Variants in MACROD2 observed in about 807,000 individuals in gnomAD.
MACROD2 encodes the protein mono-ADP ribosylhydrolase 2.
In MACROD2, 36 loss-of-function variants were observed where a neutral mutation model predicts 70.4. The observed-to-expected ratio is 0.51, with a 90% CI of 0.39 to 0.68. MACROD2 has a LOEUF of 0.68. Among genes scored for constraint, MACROD2 ranks in the 30% least tolerant of loss-of-function variants. The pLI, the probability that MACROD2 is intolerant of heterozygous loss-of-function variation, is 0.00. For synonymous variants in MACROD2, 172 were observed against 178.8 expected (o/e 0.96, Z 0.30); for missense variants, 496 against 538.4 (o/e 0.92, Z 0.78).
chr20:15,262,192 C>T (rs191773916), intron 6 of MACROD2, among the ~76,000 whole-genome samples: 35 of 151,952 alleles, frequency 2.3e-4, no homozygotes, highest in African/African-American at 8.4e-4. Flanking sequence ...CCACACTTCC[C>T]CCTTACACCT....
At chr20:14,299,279 T>C (rs1405885786) in intron 3 of MACROD2, among the ~76,000 whole-genome samples, 1 of 152,244 alleles carries the variant, frequency 6.6e-6, no homozygotes, top group Non-Finnish European at 1.5e-5. Flanking sequence ...CAGACATTTA[T>C]TGGCATTTTT....
rs1287573400 is a variant in MACROD2, at chr20:15,869,230, T to TAGAG, written c.727+6405_727+6406insGAGA. On this transcript the variant is annotated intron_variant, in intron 9 of 17. Coordinates refer to ENST00000684519, the MANE Select transcript of MACROD2 (RefSeq NM_001351661.2). ...ATTAACATATATATATATATATATA[T>TAGAG]ATATATATAGAGAGAGAGAGAGAGA... Among the ~76,000 whole-genome samples the TAGAG allele has an allele frequency of 2.7e-3, 100 of 37,672 alleles. 2 individuals are homozygous for TAGAG. The East Asian group carries it at 0.027, about 10-fold the overall frequency. The allele number at this position is 37,672 out of a possible 152,430, so 24.7% of individuals were successfully genotyped here.
chr20:15,426,418 C>T (rs1259043378), intron 6 of MACROD2, among the ~76,000 whole-genome samples: 1 of 151,932 alleles, frequency 6.6e-6, no homozygotes, highest in East Asian at 1.9e-4. Flanking sequence ...AATCATGGCT[C>T]ACTGCAGCCT....
intron 4 of MACROD2, among the ~76,000 whole-genome samples, chr20:14,512,183 GA>G (rs747595669): frequency 6.6e-6 from 1 of 152,114 alleles, no homozygotes; most frequent in Non-Finnish European, 1.5e-5. Flanking sequence ...TTTCCAAAAG[GA>G]AGCTATATTT....
At chr20:14,349,485 T>A (rs1269247543) in intron 3 of MACROD2, among the ~76,000 whole-genome samples, 1 of 149,260 alleles carries the variant, frequency 6.7e-6, no homozygotes, top group Non-Finnish European at 1.5e-5. Context: ...CATTCTTCTT[T>A]TATATATATA....
At chr20:14,598,632 A>G (rs1265757309) in intron 4 of MACROD2, among the ~76,000 whole-genome samples, 1 of 152,218 alleles carries the variant, frequency 6.6e-6, no homozygotes, top group Admixed American at 6.5e-5. Flanking sequence ...TTAATTAAGT[A>G]ATTTTCACTA....
chr20:14,239,357 G>A (rs775697428), intron 3 of MACROD2, among the ~76,000 whole-genome samples: 5 of 152,126 alleles, frequency 3.3e-5, no homozygotes, highest in African/African-American at 9.7e-5. Context: ...ATTCTTCAAC[G>A]AATTAGAGAA....
chr20:15,751,831 C>G (rs1206359119), intron 8 of MACROD2, among the ~76,000 whole-genome samples: 1 of 150,906 alleles, frequency 6.6e-6, no homozygotes, highest in Non-Finnish European at 1.5e-5. Context: ...TGCAACCCAT[C>G]CTATCTAGGT....
intron 3 of MACROD2, among the ~76,000 whole-genome samples, chr20:14,483,740 A>G (rs1428507501): frequency 6.6e-6 from 1 of 152,186 alleles, no homozygotes; most frequent in Non-Finnish European, 1.5e-5. Context: ...AAGCTTCTAA[A>G]GTATACTTTA....
chr20:14,218,211 A>G (rs2081640444), intron 3 of MACROD2, among the ~76,000 whole-genome samples: 1 of 152,104 alleles, frequency 6.6e-6, no homozygotes, highest in Non-Finnish European at 1.5e-5. Context: ...AGGTGCATAT[A>G]TGTTTAGAAT....
chr20:14,117,293 T>G (rs1437127431), intron 3 of MACROD2, among the ~76,000 whole-genome samples: 1 of 152,204 alleles, frequency 6.6e-6, no homozygotes, highest in Non-Finnish European at 1.5e-5. Flanking sequence ...CTTTTGATAC[T>G]TTAACTTTTT....
At chr20:15,043,603 C>A (rs1477045741) in intron 5 of MACROD2, among the ~76,000 whole-genome samples, 1 of 152,196 alleles carries the variant, frequency 6.6e-6, no homozygotes, top group African/African-American at 2.4e-5. Context: ...CTTCCCTTTT[C>A]TCTTTCCCCC....
intron 5 of MACROD2, among the ~76,000 whole-genome samples, chr20:14,712,983 C>A (rs939911073): frequency 6.6e-6 from 1 of 151,548 alleles, no homozygotes; most frequent in African/African-American, 2.4e-5. Flanking sequence ...AGGTGTTCAT[C>A]AAAATAAGAA....
chr20:14,310,915 A>G (rs1307739266), intron 3 of MACROD2, among the ~76,000 whole-genome samples: 1 of 152,216 alleles, frequency 6.6e-6, no homozygotes, highest in East Asian at 1.9e-4. Flanking sequence ...GAAGAAAGGA[A>G]ATATTTTTGT....
chr20:14,146,882 A>G (rs529922830), intron 3 of MACROD2, among the ~76,000 whole-genome samples: 3 of 152,324 alleles, frequency 2.0e-5, no homozygotes, highest in South Asian at 2.1e-4. Context: ...ATTGCCATCT[A>G]TCACAGTCAC....
chr20:15,127,546 T>G lies in MACROD2; in HGVS notation c.419-102394T>G, dbSNP rs1299736045. Among the ~76,000 whole-genome samples, 6 of 148,404 alleles carry G rather than the reference T, an allele frequency of 4.0e-5. No individual in the cohort carries two copies. The East Asian group carries it at 1.2e-3, about 29-fold the overall frequency. On this transcript the variant is annotated intron_variant, in intron 5 of 17. Transcript: ENST00000684519. ...TGTTGATGCAGCAGTCATGTGAATG[T>G]TTGGTTGGAGCTGGAGGCTCTATTT...
intron 2 of MACROD2, among the ~76,000 whole-genome samples, chr20:14,069,893 G>A (rs564400610): frequency 2.6e-5 from 4 of 151,698 alleles, no homozygotes; most frequent in South Asian, 4.2e-4. Flanking sequence ...GTCTGTGCTC[G>A]CTTATCACGC....
At chr20:14,718,163 C>A (rs1287343302) in intron 5 of MACROD2, among the ~76,000 whole-genome samples, 2 of 151,360 alleles carry the variant, frequency 1.3e-5, no homozygotes. Flanking sequence ...CGTGGTGGCA[C>A]GTGCCTGTAA....
At chr20:14,518,048 G>C (rs2123168116) in intron 4 of MACROD2, among the ~76,000 whole-genome samples, 1 of 151,970 alleles carries the variant, frequency 6.6e-6, no homozygotes, top group Non-Finnish European at 1.5e-5. Context: ...ATGGTTACTG[G>C]AAAACATTGA....
Sources: allele counts gnomAD v4.1 joint callset (sites outside exome capture counted in the v4.1 genomes callset), GRCh38; gene constraint gnomAD v4.1.1; transcripts MANE v1.5; gene names NCBI Gene and HGNC (gene_info 2026-07-23, HGNC 2026-07-21).